Variants in SORCS1 observed in about 807,000 individuals in gnomAD.
SORCS1 encodes the protein sortilin related VPS10 domain containing receptor 1.
Under a neutral mutation model 146.1 loss-of-function variants are expected in SORCS1, and 60 were observed. The observed-to-expected ratio is 0.41, with a 90% confidence interval of 0.33 to 0.51. The LOEUF (loss-of-function observed/expected upper bound fraction) is 0.51. Ranked by LOEUF, SORCS1 falls within the 20% of genes least tolerant of loss-of-function variation. SORCS1 has a pLI of 0.21. For synonymous variants in SORCS1, 637 were observed against 584.0 expected, an observed-to-expected ratio of 1.09 and a Z score of -1.31; for missense variants, 1,352 against 1,487.6, an observed-to-expected ratio of 0.91 and a Z score of 1.50.
intron 4 of SORCS1, among the ~76,000 whole-genome samples, chr10:106,765,887 T>G (rs1859531794): frequency 1.3e-5 from 2 of 152,218 alleles, no homozygotes; most frequent in East Asian, 3.9e-4. Flanking sequence ...CTTTTCAGAT[T>G]GTTAGACAGG....
chr10:106,650,976 A>G (rs1849817204), intron 18 of SORCS1, among the ~76,000 whole-genome samples: 1 of 152,106 alleles, frequency 6.6e-6, no homozygotes, highest in Non-Finnish European at 1.5e-5. Flanking sequence ...AGAAACCTCC[A>G]GAGTTTATTT....
chr10:106,765,281 A>C (rs1859478781), intron 4 of SORCS1, among the ~76,000 whole-genome samples: 1 of 152,090 alleles, frequency 6.6e-6, no homozygotes, highest in Non-Finnish European at 1.5e-5. Context: ...ATCTATTAGC[A>C]GCCTTAGGGC....
intron 3 of SORCS1, among the ~76,000 whole-genome samples, chr10:106,778,730 G>A (rs570998399): frequency 6.6e-6 from 1 of 152,168 alleles, no homozygotes; most frequent in Non-Finnish European, 1.5e-5. Flanking sequence ...ATAATATGAA[G>A]AAGCTCAATT....
At chr10:107,101,591 T>C (rs1196240650) in intron 1 of SORCS1, among the ~76,000 whole-genome samples, 1 of 152,148 alleles carries the variant, frequency 6.6e-6, no homozygotes, top group Non-Finnish European at 1.5e-5. Context: ...CAAACTCCTG[T>C]CCTCAAGTGA....
chr10:106,633,049 A>G (rs534180292), intron 18 of SORCS1, among the ~76,000 whole-genome samples: 1 of 152,202 alleles, frequency 6.6e-6, no homozygotes, highest in Admixed American at 6.5e-5. Flanking sequence ...GAGAACAAGA[A>G]CATGTTACCA....
chr10:107,042,073 C>T (rs1480590867), intron 1 of SORCS1, among the ~76,000 whole-genome samples: 1 of 152,084 alleles, frequency 6.6e-6, no homozygotes, highest in Non-Finnish European at 1.5e-5. Context: ...TGCTGTCAAC[C>T]CTAAAATACA....
At chr10:106,675,413 T>G (rs563734431) in intron 13 of SORCS1, among the ~76,000 whole-genome samples, 1 of 152,280 alleles carries the variant, frequency 6.6e-6, no homozygotes, top group Non-Finnish European at 1.5e-5. Flanking sequence ...TATAAGTCTT[T>G]TATAAAATTG....
chr10:106,838,524 A>T (rs1413030143), intron 2 of SORCS1, among the ~76,000 whole-genome samples: 3 of 152,184 alleles, frequency 2.0e-5, no homozygotes, highest in Admixed American at 6.6e-5. Context: ...AATGACATGT[A>T]TCCACCACTT....
intron 24 of SORCS1, among the ~76,000 whole-genome samples, chr10:106,594,212 T>C (rs1278235276): frequency 6.6e-6 from 1 of 152,234 alleles, no homozygotes; most frequent in Admixed American, 6.5e-5. Flanking sequence ...AAACTATTTG[T>C]CATTGAAGAA....
chr10:107,118,463 C>T (rs1432170913), intron 1 of SORCS1, among the ~76,000 whole-genome samples: 1 of 152,198 alleles, frequency 6.6e-6, no homozygotes, highest in African/African-American at 2.4e-5. Flanking sequence ...ATATCATATG[C>T]ATATGCCCAT....
the SORCS1 span, among the ~76,000 whole-genome samples, chr10:107,170,712 T>A: frequency 6.6e-6 from 1 of 152,218 alleles, no homozygotes; most frequent in African/African-American, 2.4e-5. Flanking sequence ...AACTATTTTA[T>A]GCTGCTTCCC....
chr10:107,090,110 A>G (rs1590112111), intron 1 of SORCS1, among the ~76,000 whole-genome samples: 1 of 152,332 alleles, frequency 6.6e-6, no homozygotes, highest in East Asian at 1.9e-4. Context: ...AGAGGGGTTC[A>G]GGTCTCTCTC....
intron 1 of SORCS1, among the ~76,000 whole-genome samples, chr10:106,973,648 G>A (rs1460564904): frequency 6.6e-6 from 1 of 152,184 alleles, no homozygotes; most frequent in Non-Finnish European, 1.5e-5. Context: ...CTTGAAAATT[G>A]AACCTCTCCT....
intron 1 of SORCS1, among the ~76,000 whole-genome samples, chr10:107,123,797 G>T (rs1966538620): frequency 6.6e-6 from 1 of 152,034 alleles, no homozygotes; most frequent in Non-Finnish European, 1.5e-5. Context: ...AGACAAGGTT[G>T]CAAGGTGTGG....
intron 1 of SORCS1, among the ~76,000 whole-genome samples, chr10:107,023,248 T>C (rs1434533318): frequency 2.0e-5 from 3 of 152,214 alleles, no homozygotes; most frequent in Non-Finnish European, 2.9e-5. Flanking sequence ...CTTAGTACAC[T>C]GCTTTTTCAC....
At chr10:107,062,426 TTAATTA>T (rs757047221) in intron 1 of SORCS1, among the ~76,000 whole-genome samples, 63 of 152,088 alleles carry the variant, frequency 4.1e-4, no homozygotes, top group Non-Finnish European at 7.6e-4. Context: ...TACAGTTACT[TTAATTA>T]TAATTATAAT....
intron 1 of SORCS1, among the ~76,000 whole-genome samples, chr10:107,134,356 C>T (rs556342910): frequency 1.4e-4 from 22 of 152,236 alleles, no homozygotes; most frequent in African/African-American, 4.3e-4. Flanking sequence ...TACATTCCAT[C>T]GGCCAGGCGC....
rs555970512 is a variant in SORCS1, at chr10:106,808,969, A to T, written c.726+20605T>A. 1.4e-4 allele frequency among the ~76,000 whole-genome samples: 22 copies of T among 152,324 alleles called. 2 individuals carry two copies. The highest frequency in any genetic ancestry group is 4.6e-4 in the African/African-American group (19 of 41,578). On this transcript the variant is annotated intron_variant, in intron 3 of 25. Transcript: ENST00000263054. ...ATGTGTTTGAATAAACCAAGTCAAA[A>T]TAATAACTTCAATGTATAAGCCTGC...
intron 5 of SORCS1, among the ~76,000 whole-genome samples, chr10:106,749,154 G>T (rs1179489521): frequency 6.6e-6 from 1 of 152,158 alleles, no homozygotes; most frequent in Non-Finnish European, 1.5e-5. Context: ...TCTCTGTAAG[G>T]TTTCATATTA....
Sources: allele counts gnomAD v4.1 joint callset (sites outside exome capture counted in the v4.1 genomes callset), GRCh38; gene constraint gnomAD v4.1.1; transcripts MANE v1.5; gene names NCBI Gene and HGNC (gene_info 2026-07-23, HGNC 2026-07-21).